The following GRIP1 variants were observed in gnomAD, a reference collection of about 807,000 sequenced individuals.
The protein encoded by GRIP1 is glutamate receptor-interacting protein 1.
Under a neutral mutation model 129.9 loss-of-function variants are expected in GRIP1, and 45 were observed. That is an observed-to-expected ratio of 0.35 (90% CI 0.27 to 0.44). GRIP1 has a LOEUF of 0.44. Ranked by LOEUF, GRIP1 falls within the 20% of genes least tolerant of loss-of-function variation. The probability of loss-of-function intolerance (pLI) is 1.00; values close to 1 mark genes in which losing one functional copy is unlikely to be tolerated. For synonymous variants in GRIP1, 530 were observed against 520.8 expected, an observed-to-expected ratio of 1.02 and a Z score of -0.24; for missense variants, 1,196 against 1,396.8, an observed-to-expected ratio of 0.86 and a Z score of 2.29.
At chr12:66,942,771 C>G (rs1408695265) in intron 1 of GRIP1, among the ~76,000 whole-genome samples, 1 of 152,182 alleles carries the variant, frequency 6.6e-6, no homozygotes, top group Non-Finnish European at 1.5e-5. Context: ...CCCCTAATGG[C>G]ATGGTATTAG....
chr12:66,580,574 A>C (rs1335499812), intron 2 of GRIP1, among the ~76,000 whole-genome samples: 16 of 150,796 alleles, frequency 1.1e-4, no homozygotes, highest in Admixed American at 9.9e-4. Flanking sequence ...TCTACCAAGC[A>C]AATGGAAAAC....
chr12:66,671,818 T>A (rs1361092908), intron 1 of GRIP1, among the ~76,000 whole-genome samples: 1 of 152,172 alleles, frequency 6.6e-6, no homozygotes, highest in Admixed American at 6.5e-5. Flanking sequence ...GGGACGTGTA[T>A]CCTAAACACA....
intron 1 of GRIP1, among the ~76,000 whole-genome samples, chr12:66,909,064 A>C (rs554314973): frequency 6.6e-5 from 10 of 152,286 alleles, no homozygotes; most frequent in African/African-American, 2.4e-4. Context: ...ATTTGTGATA[A>C]TACCATTTAT....
At chr12:66,861,162 T>C (rs12315409) in intron 1 of GRIP1, among the ~76,000 whole-genome samples, 25,111 of 152,114 alleles carry the variant, frequency 0.17, 2,320 homozygotes, top group East Asian at 0.42. Context: ...TGATACATAA[T>C]AATATTCTGG....
At chr12:67,003,224 A>G (rs1157591167) in intron 1 of GRIP1, among the ~76,000 whole-genome samples, 1 of 152,108 alleles carries the variant, frequency 6.6e-6, no homozygotes, top group Non-Finnish European at 1.5e-5. Context: ...CCAATATACC[A>G]ATTTGTTTGA....
intron 1 of GRIP1, among the ~76,000 whole-genome samples, chr12:67,024,628 T>C (rs1018395483): frequency 6.6e-5 from 10 of 152,222 alleles, no homozygotes; most frequent in Non-Finnish European, 1.2e-4. Context: ...ATGCAAAGTC[T>C]AAATTATAAA....
Position 66,444,664 on chromosome 12 carries a change from G to T in GRIP1, c.1607C>A (p.Thr536Asn). Residue 536 changes from threonine (T) to asparagine (N), a missense_variant, in exon 13 of 25, where the codon ACC becomes AAC. By Grantham distance (65) the Thr-to-Asn change is moderately conservative. This residue lies in a region of GRIP1 where 508 missense variants were observed against 587.0 expected (regional missense o/e 0.87). Coordinates refer to ENST00000359742, the MANE Select transcript of GRIP1 (RefSeq NM_001366722.1). ...AINGIPTEDSTFEEASQLLRD... is the reference protein window; with the variant it reads ...AINGIPTEDSNFEEASQLLRD... ...GAGGAGCTGACTGGCTTCTTCGAAG[G>T]TGCTGTCTTCTGTTGGAATTCCATT... The T allele has an allele frequency of 6.2e-7, 1 of 1,613,920 alleles. No individual in the cohort carries two copies. Among genetic ancestry groups the T allele is most frequent in the Non-Finnish European group, 8.5e-7 (1 of 1,179,880 alleles).
At chr12:66,735,051 A>G (rs980289291) in intron 1 of GRIP1, among the ~76,000 whole-genome samples, 5 of 152,214 alleles carry the variant, frequency 3.3e-5, no homozygotes, top group Non-Finnish European at 5.9e-5. Flanking sequence ...GGGTACTTCT[A>G]TGATGTCCTT....
At chr12:66,387,375 C>T (rs2056401135) in intron 19 of GRIP1, among the ~76,000 whole-genome samples, 1 of 152,188 alleles carries the variant, frequency 6.6e-6, no homozygotes, top group African/African-American at 2.4e-5. Flanking sequence ...TCTCTGGTAG[C>T]TGGGGAAGAA....
At chr12:67,038,309 C>G (rs2043128620) in intron 1 of GRIP1, among the ~76,000 whole-genome samples, 1 of 152,172 alleles carries the variant, frequency 6.6e-6, no homozygotes, top group African/African-American at 2.4e-5. Context: ...AGCTCCATTC[C>G]CACTGCCACA....
intron 1 of GRIP1, among the ~76,000 whole-genome samples, chr12:66,701,976 T>C (rs190605152): frequency 6.6e-5 from 10 of 152,286 alleles, no homozygotes; most frequent in Non-Finnish European, 2.9e-5. Context: ...GATGTTATAG[T>C]GAATACAGTC....
chr12:66,428,076 T>G (rs1457521868), intron 14 of GRIP1, among the ~76,000 whole-genome samples: 2 of 152,148 alleles, frequency 1.3e-5, no homozygotes, highest in African/African-American at 4.8e-5. Context: ...TCACTTTCTC[T>G]CGCTGAAAAT....
At position 66,348,761 on chromosome 12, in the gene GRIP1, G is replaced by A. The variant is rs1246584729; in HGVS notation, c.*258C>T. ...CCTCTGATGTTAATTGTAGAGTTGT[G>A]GGGGACGGCCTATTTTTCTCTACCG... On this transcript the variant is annotated 3_prime_UTR_variant, in exon 25 of 25. Coordinates refer to ENST00000359742, the MANE Select transcript of GRIP1 (RefSeq NM_001366722.1). The A allele has an allele frequency of 5.9e-6, 3 of 505,340 alleles. No individual in the cohort carries two copies. The East Asian group carries it at 9.9e-5, about 17-fold the overall frequency. The allele number at this position is 505,340 out of a possible 1,614,324, so 31.3% of individuals were successfully genotyped here.
chr12:66,950,251 A>G (rs922318884), intron 1 of GRIP1, among the ~76,000 whole-genome samples: 1 of 152,208 alleles, frequency 6.6e-6, no homozygotes, highest in Non-Finnish European at 1.5e-5. Flanking sequence ...CAAAACAGCT[A>G]ATAGTTCTCA....
intron 1 of GRIP1, among the ~76,000 whole-genome samples, chr12:66,981,928 T>C (rs532049487): frequency 6.6e-6 from 1 of 152,330 alleles, no homozygotes; most frequent in South Asian, 2.1e-4. Context: ...AATTAATATG[T>C]CTGGGCTACA....
chr12:66,468,281 A>G (rs1040660650), intron 7 of GRIP1, among the ~76,000 whole-genome samples: 4 of 152,206 alleles, frequency 2.6e-5, no homozygotes, highest in African/African-American at 7.2e-5. Flanking sequence ...GCCATCTTCA[A>G]CCATGCAGAC....
intron 1 of GRIP1, among the ~76,000 whole-genome samples, chr12:66,921,956 A>C (rs2137363407): frequency 6.6e-6 from 1 of 152,362 alleles, no homozygotes; most frequent in Admixed American, 6.5e-5. Context: ...GCTATCTGCA[A>C]GGAAAGAGGA....
chr12:66,734,878 T>G (rs955004804), intron 1 of GRIP1, among the ~76,000 whole-genome samples: 2 of 152,226 alleles, frequency 1.3e-5, no homozygotes, highest in Admixed American at 1.3e-4. Flanking sequence ...AAAGTGATTT[T>G]ATATTAAAGG....
intron 1 of GRIP1, among the ~76,000 whole-genome samples, chr12:67,029,646 T>G (rs2042992378): frequency 6.6e-6 from 1 of 151,204 alleles, no homozygotes. Flanking sequence ...ACATTTTTAT[T>G]ATTAAACCAA....
Sources: allele counts gnomAD v4.1 joint callset (sites outside exome capture counted in the v4.1 genomes callset), GRCh38; gene constraint gnomAD v4.1.1; regional missense constraint gnomAD v4.1.1; transcripts MANE v1.5; gene names NCBI Gene and HGNC (gene_info 2026-07-23, HGNC 2026-07-21).